The following IYD variants were observed in gnomAD, a reference collection of about 807,000 sequenced individuals.
IYD encodes iodotyrosine deiodinase 1.
A neutral mutation model predicts 28.4 loss-of-function variants in IYD; 25 were observed. That is an observed-to-expected ratio of 0.88 (90% CI 0.64 to 1.23). The LOEUF (loss-of-function observed/expected upper bound fraction) is 1.23, where lower values mean the gene tolerates loss of function less well. Among genes scored for constraint, IYD ranks in the 50% most tolerant of loss-of-function variants. The pLI is 0.00. For missense variants in IYD, 352 were observed against 357.9 expected (o/e 0.98, Z 0.13); for synonymous variants, 140 against 130.8 (o/e 1.07, Z -0.48).
rs919372327 is a variant in IYD, at chr6:150,401,706, G to T, written c.*3469G>T. Reference sequence around the variant, plus strand: ...AAAGTTAGAAATAGTGGTCGGGGAGGCTTATAGATCCTCTTGCTGTTCTGA... The same window carrying T: ...AAAGTTAGAAATAGTGGTCGGGGAGTCTTATAGATCCTCTTGCTGTTCTGA... On this transcript the variant is annotated 3_prime_UTR_variant, in exon 5 of 5. Transcript: ENST00000344419. 2 of 152,160 alleles carry T rather than the reference G, an allele frequency of 1.3e-5. No individual in the cohort carries two copies. 9.4% of individuals were successfully genotyped at this position (152,160 alleles called of 1,614,324 possible). A position where few individuals can be genotyped will look rare whatever the true frequency, so the allele number is the denominator to read the frequency against.
intron 4 of IYD, chr6:150,395,538 C>A: frequency 1.3e-6 from 2 of 1,537,316 alleles, no homozygotes; most frequent in Non-Finnish European, 1.7e-6. Flanking sequence ...GCGAAGCCTG[C>A]AGCAAGCTCA....
At chr6:150,370,246 T>A (rs796154752) in intron 1 of IYD, among the ~76,000 whole-genome samples, 1 of 122,184 alleles carries the variant, frequency 8.2e-6, no homozygotes, top group African/African-American at 3.9e-5. Flanking sequence ...TGCATGAGAG[T>A]GGATGTGTGT....
At chr6:150,385,080 CAGA>C (rs1582785887) in intron 1 of IYD, 1 of 152,112 alleles carries the variant, frequency 6.6e-6, no homozygotes, top group Non-Finnish European at 1.5e-5. Flanking sequence ...ATGGGGAAAA[CAGA>C]AGAAGTGGCA....
At chr6:150,394,420 A>G (rs767529499) in intron 4 of IYD, among the ~76,000 whole-genome samples, 165 bp downstream of exon 4, 2 of 152,218 alleles carry the variant, frequency 1.3e-5, no homozygotes, top group Non-Finnish European at 2.9e-5. Flanking sequence ...GGTGACTATG[A>G]TGGTTCAGCA....
chr6:150,402,104 A>G lies in IYD; in HGVS notation c.*3867A>G, dbSNP rs924272353. 6.6e-6 allele frequency: 1 copy of G among 152,264 alleles called. No individual in the cohort carries two copies. Among genetic ancestry groups the G allele is most frequent in the Non-Finnish European group, 1.5e-5 (1 of 68,036 alleles). 9.4% of individuals were successfully genotyped at this position (152,264 alleles called of 1,614,324 possible). On this transcript the variant is annotated 3_prime_UTR_variant, in exon 5 of 5. Transcript: ENST00000344419. ...GAGAACCATGGGGCATTGGCAATCA[A>G]CAAATGCAATGCTTGTGACTTGACG...
chr6:150,374,200 A>C (rs570829126), intron 1 of IYD, among the ~76,000 whole-genome samples: 1 of 152,370 alleles, frequency 6.6e-6, no homozygotes, highest in Non-Finnish European at 1.5e-5. Flanking sequence ...AAAAGTATAC[A>C]TGTTTATTTA....
In IYD at chr6:150,389,523, A is replaced by G. The variant is rs367999187; in HGVS notation, c.350A>G (p.Asp117Gly). ...GAGCAAGTCCCAATGGAAGTCATTG[A>G]TAATGTCATCAGAACGGCAGGTTTG... ...SNEQVPMEVI[D>G]NVIRTAGTAP... The change falls in exon 2 of 5, where the codon GAT (aspartate) becomes GGT (glycine). Residue 117 changes from aspartate (D) to glycine (G), a missense_variant. Coordinates refer to ENST00000344419, the MANE Select transcript of IYD (RefSeq NM_203395.3). 2 of 1,613,980 alleles carry G rather than the reference A, an allele frequency of 1.2e-6. No homozygotes were observed. The highest frequency in any genetic ancestry group is 2.7e-5 in the African/African-American group (2 of 74,950).
chr6:150,383,205 C>T (rs619252), intron 1 of IYD, among the ~76,000 whole-genome samples: 86,307 of 151,980 alleles, frequency 0.57, 24,852 homozygotes, highest in African/African-American at 0.64. Context: ...GCTGCAAGCA[C>T]ATATCAGGGC....
rs372416788 is a variant in IYD, at chr6:150,398,476, C to T, written c.*239C>T. ...ATGAACACTTTACAAAGAACATGCCCGGGTTTTTACATTTTAAAAGTTATT... is the reference window on the plus strand; with the variant it reads ...ATGAACACTTTACAAAGAACATGCCTGGGTTTTTACATTTTAAAAGTTATT... On this transcript the variant is annotated 3_prime_UTR_variant, in exon 5 of 5. Transcript: ENST00000344419. 8.2e-4 allele frequency: 419 copies of T among 509,400 alleles called. 2 individuals carry two copies. The highest frequency in any genetic ancestry group is 1.5e-3 in the East Asian group (49 of 32,314). 31.6% of individuals were successfully genotyped at this position (509,400 alleles called of 1,614,324 possible).
In IYD at chr6:150,386,914, C is replaced by T. The variant is rs6941126; in HGVS notation, c.179-2438C>T. On this transcript the variant is annotated intron_variant, in intron 1 of 4. Transcript: ENST00000344419. ...ACTTAAAATAATCATTGGCCTTTATCGGGAACATTTAGTTCATTTCTATTC... is the reference window on the plus strand; with the variant it reads ...ACTTAAAATAATCATTGGCCTTTATTGGGAACATTTAGTTCATTTCTATTC... Among the ~76,000 whole-genome samples the T allele has an allele frequency of 2.4e-3, 366 of 152,086 alleles. 1 individual carries two copies. Among genetic ancestry groups the T allele is most frequent in the African/African-American group, 7.9e-3 (327 of 41,494 alleles).
chr6:150,395,268 G>A, intron 4 of IYD: 1 of 672,484 alleles, frequency 1.5e-6, no homozygotes, highest in Non-Finnish European at 2.5e-6. Context: ...AAGATTATAA[G>A]AGCAAGTAAC....
At chr6:150,388,870 T>G (rs1434786495) in intron 1 of IYD, among the ~76,000 whole-genome samples, 1 of 151,848 alleles carries the variant, frequency 6.6e-6, no homozygotes, top group Admixed American at 6.6e-5. Flanking sequence ...CCTGGCTAAT[T>G]TTTGTATTTT....
chr6:150,379,813 T>C (rs1328608518), intron 1 of IYD, among the ~76,000 whole-genome samples: 3 of 152,200 alleles, frequency 2.0e-5, no homozygotes, highest in Non-Finnish European at 2.9e-5. Flanking sequence ...TATCTGATCA[T>C]TGGGTCCATT....
At chr6:150,395,517 T>C (rs1262918250) in intron 4 of IYD, 1 of 1,537,340 alleles carries the variant, frequency 6.5e-7, no homozygotes, top group Non-Finnish European at 8.7e-7. Context: ...TTGAGGGTCC[T>C]GGAAGAAGCA....
intron 1 of IYD, among the ~76,000 whole-genome samples, chr6:150,375,746 GA>G (rs1270132823): frequency 6.6e-6 from 1 of 152,176 alleles, no homozygotes; most frequent in Admixed American, 6.5e-5. Context: ...AAGCAGCTGG[GA>G]AAGAGGCATT....
At chr6:150,379,413 C>T (rs999810485) in intron 1 of IYD, among the ~76,000 whole-genome samples, 2 of 152,224 alleles carry the variant, frequency 1.3e-5, no homozygotes, top group African/African-American at 4.8e-5. Context: ...TCCCCAGCCT[C>T]TTTCTTATTC....
Position 150,396,287 on chromosome 6 carries a change from G to A in IYD, c.688-1768G>A, listed in dbSNP as rs1041015899. On this transcript the variant is annotated intron_variant, in intron 4 of 4. Coordinates refer to ENST00000344419, the MANE Select transcript of IYD (RefSeq NM_203395.3). ...CTTTTTTTTTCAAATTCAAGTTCATGGACCTGCTAAATTCAATCCTTGGCC... is the reference window on the plus strand; with the variant it reads ...CTTTTTTTTTCAAATTCAAGTTCATAGACCTGCTAAATTCAATCCTTGGCC... 6.5e-5 allele frequency: 27 copies of A among 413,648 alleles called. No homozygotes were observed. In the Middle Eastern group the frequency reaches 1.8e-3, roughly 28 times the overall value. 25.6% of individuals were successfully genotyped at this position (413,648 alleles called of 1,614,324 possible). A position where few individuals can be genotyped will look rare whatever the true frequency, so the allele number is the denominator to read the frequency against.
chr6:150,385,362 T>C (rs903253437), intron 1 of IYD, among the ~76,000 whole-genome samples: 5 of 152,138 alleles, frequency 3.3e-5, no homozygotes, highest in Non-Finnish European at 7.4e-5. Context: ...TTTCCCCCCA[T>C]AGTTAGACTA....
chr6:150,370,527 C>T, intron 1 of IYD: 1 of 985,426 alleles, frequency 1.0e-6, no homozygotes. Flanking sequence ...GTAGTGCTGA[C>T]TGCACCGTAC....
Sources: gnomAD v4.1 joint callset for allele counts (sites outside exome capture counted in the v4.1 genomes callset) on GRCh38, gnomAD v4.1.1 for gene constraint, MANE v1.5 for transcripts, NCBI Gene and HGNC (gene_info 2026-07-23, HGNC 2026-07-21) for gene names.